Variants in ZFPM1 observed in about 807,000 individuals in gnomAD.
ZFPM1 encodes the protein zinc finger protein ZFPM1.
A neutral mutation model predicts 46.3 loss-of-function variants in ZFPM1; 28 were observed. The ratio of observed to expected loss-of-function variants is 0.60; its 90% CI spans 0.45 to 0.83. The LOEUF (loss-of-function observed/expected upper bound fraction) is 0.83, where lower values mean the gene tolerates loss of function less well. ZFPM1 is among the 40% of genes least tolerant of loss of function. ZFPM1 has a pLI of 0.00. For synonymous variants in ZFPM1, 957 were observed against 675.9 expected, an observed-to-expected ratio of 1.42 and a Z score of -6.45; for missense variants, 1,878 against 1,432.4, an observed-to-expected ratio of 1.31 and a Z score of -5.02.
intron 5 of ZFPM1, 41 bp from the exon 6 acceptor site, chr16:88,527,991 G>A: frequency 2.0e-6 from 3 of 1,492,874 alleles, no homozygotes; most frequent in Non-Finnish European, 1.8e-6. Flanking sequence ...ACAGGGAAGT[G>A]GGGCACAAAG....
intron 6 of ZFPM1, among the ~76,000 whole-genome samples, chr16:88,529,503 CTT>C (rs1020418757): frequency 6.6e-6 from 1 of 152,214 alleles, no homozygotes; most frequent in Non-Finnish European, 1.5e-5. Flanking sequence ...GACCCCCACT[CTT>C]TGAGTGTCCT....
At chr16:88,477,144 A>G (rs1344938097) in intron 1 of ZFPM1, among the ~76,000 whole-genome samples, 1 of 152,200 alleles carries the variant, frequency 6.6e-6, no homozygotes, top group Non-Finnish European at 1.5e-5. Flanking sequence ...CATAGAGGGA[A>G]CCACAGGAGA....
intron 6 of ZFPM1, among the ~76,000 whole-genome samples, chr16:88,529,639 G>A (rs1195734112): frequency 1.3e-5 from 2 of 152,220 alleles, no homozygotes; most frequent in South Asian, 2.1e-4. Context: ...CATCTCCCAA[G>A]GTACGGAGAG....
At chr16:88,496,815 A>G (rs892884943) in intron 3 of ZFPM1, among the ~76,000 whole-genome samples, 2 of 152,162 alleles carry the variant, frequency 1.3e-5, no homozygotes, top group Non-Finnish European at 2.9e-5. Context: ...CCTGGTATAC[A>G]GGGTCTCTCA....
At chr16:88,472,973 C>T (rs1400157477) in intron 1 of ZFPM1, among the ~76,000 whole-genome samples, 2 of 152,268 alleles carry the variant, frequency 1.3e-5, no homozygotes, top group African/African-American at 4.8e-5. Flanking sequence ...TTCCAGGACG[C>T]CGCAGCCCTG....
At chr16:88,489,961 G>A (rs1272628598) in intron 3 of ZFPM1, among the ~76,000 whole-genome samples, 1 of 152,178 alleles carries the variant, frequency 6.6e-6, no homozygotes, top group African/African-American at 2.4e-5. Context: ...GCAGAGGCGG[G>A]GTGGGGGTCG....
chr16:88,514,562 G>T (rs1911175333), intron 4 of ZFPM1, 42 bp downstream of exon 4: 1 of 1,345,460 alleles, frequency 7.4e-7, no homozygotes, highest in Non-Finnish European at 9.9e-7. Flanking sequence ...CCACCCCAAT[G>T]CAGGGCAACA....
At chr16:88,506,046 A>C (rs932781896) in intron 3 of ZFPM1, among the ~76,000 whole-genome samples, 13 of 152,154 alleles carry the variant, frequency 8.5e-5, no homozygotes, top group Non-Finnish European at 1.9e-4. Context: ...GAAAACCCTC[A>C]TCCAGGAGGC....
intron 1 of ZFPM1, among the ~76,000 whole-genome samples, chr16:88,465,170 C>A (rs986692801): frequency 1.3e-5 from 2 of 152,220 alleles, no homozygotes; most frequent in Admixed American, 1.3e-4. Context: ...TCTGCACAGA[C>A]CCCGTGTCCG....
Position 88,493,423 on chromosome 16 carries a change from G to GGAGCTGTCCCGGGGTACGGA in ZFPM1, c.268+4284_268+4303dup, listed in dbSNP as rs1379856270. Among the ~76,000 whole-genome samples, 257 of 113,142 alleles carry GGAGCTGTCCCGGGGTACGGA rather than the reference G, an allele frequency of 2.3e-3. 11 individuals are homozygous for GGAGCTGTCCCGGGGTACGGA. The highest frequency in any genetic ancestry group is 8.6e-3 in the African/African-American group (238 of 27,554). 74.2% of individuals were successfully genotyped at this position (113,142 alleles called of 152,430 possible). A position where few individuals can be genotyped will look rare whatever the true frequency, so the allele number is the denominator to read the frequency against. On this transcript the variant is annotated intron_variant, in intron 3 of 9. Transcript: ENST00000319555. The stretch of plus-strand genomic sequence containing the variant: ...TGCAGGAAGCTGTCCCGGGGTGCGG[G>GGAGCTGTCCCGGGGTACGGA]GAGCTGTCCCGGGGTACGGAGAGCT...
chr16:88,533,822 G>GCCCGCGCGCCCCCCGGCCAGC lies in ZFPM1; in HGVS notation c.1867_1887dup (p.Arg623_Pro629dup), dbSNP rs1913019520. On this transcript the variant is annotated inframe_insertion, in exon 10 of 10. Coordinates refer to ENST00000319555, the MANE Select transcript of ZFPM1 (RefSeq NM_153813.3). ...CAGGCCCAAGGCGCCCCCCGGCCCGGCCCGCGCGCCCCCCGGCCAGCCCGC... is the reference window on the plus strand; with the variant it reads ...CAGGCCCAAGGCGCCCCCCGGCCCGGCCCGCGCGCCCCCCGGCCAGCCCCGCGCGCCCCCCGGCCAGCCCGC... 33 of 1,007,818 alleles carry GCCCGCGCGCCCCCCGGCCAGC rather than the reference G, an allele frequency of 3.3e-5. No individual in the cohort carries two copies. The highest frequency in any genetic ancestry group is 3.9e-5 in the Non-Finnish European group (33 of 840,454). The allele number at this position is 1,007,818 out of a possible 1,614,324, so 62.4% of individuals were successfully genotyped here. A position where few individuals can be genotyped will look rare whatever the true frequency, so the allele number is the denominator to read the frequency against.
At chr16:88,468,996 G>C (rs1359410244) in intron 1 of ZFPM1, 1 of 154,212 alleles carries the variant, frequency 6.5e-6, no homozygotes. Context: ...CCAACCGTCA[G>C]AGCCCAGACC....
chr16:88,468,631 C>T (rs1219801946), intron 1 of ZFPM1, among the ~76,000 whole-genome samples: 1 of 152,134 alleles, frequency 6.6e-6, no homozygotes, highest in Non-Finnish European at 1.5e-5. Flanking sequence ...GCTTTCTGAC[C>T]CTAGACTTGG....
In ZFPM1 at chr16:88,497,471, G is replaced by T. The variant is rs1243159074; in HGVS notation, c.268+8318G>T. On this transcript the variant is annotated intron_variant, in intron 3 of 9. Coordinates refer to ENST00000319555, the MANE Select transcript of ZFPM1 (RefSeq NM_153813.3). The surrounding 1 kb of genome is among the most constrained non-coding windows in gnomAD (Gnocchi z 5.4). ...TGGGGTTCAGAGGGGTCAGGGTGGG[G>T]CTCAGGGCCCGGGCGGGGATGGGGT... Among the ~76,000 whole-genome samples the T allele has an allele frequency of 1.9e-5, 2 of 107,152 alleles. No homozygotes were observed. The highest frequency in any genetic ancestry group is 3.6e-5 in the African/African-American group (1 of 28,122). 70.3% of individuals were successfully genotyped at this position (107,152 alleles called of 152,430 possible).
intron 2 of ZFPM1, among the ~76,000 whole-genome samples, chr16:88,488,306 C>T (rs1339709147): frequency 2.0e-5 from 3 of 152,108 alleles, no homozygotes; most frequent in African/African-American, 7.2e-5. Context: ...GGGGGTGGGG[C>T]CCGGGAAGGA....
intron 1 of ZFPM1, among the ~76,000 whole-genome samples, chr16:88,457,991 T>G (rs973906133): frequency 6.6e-6 from 1 of 152,202 alleles, no homozygotes; most frequent in Non-Finnish European, 1.5e-5. Flanking sequence ...AGAATAATAT[T>G]CATAACAGCC....
chr16:88,456,720 C>A (rs1597223737), intron 1 of ZFPM1, among the ~76,000 whole-genome samples: 1 of 152,130 alleles, frequency 6.6e-6, no homozygotes, highest in Non-Finnish European at 1.5e-5. Flanking sequence ...CCAGCAGGTG[C>A]GAGTGAGGTC....
In ZFPM1 at chr16:88,514,380, T is replaced by C. The variant is rs781499241; in HGVS notation, c.269-7T>C. On this transcript the variant is annotated splice_region_variant and splice_polypyrimidine_tract_variant and intron_variant, in intron 3 of 9. Coordinates refer to ENST00000319555, the MANE Select transcript of ZFPM1 (RefSeq NM_153813.3). ...GCACGCCTCATGCCTGCGATGTCTC[T>C]CTGCAGACGAGCTGGAGCCGGTGGT... 1.2e-5 allele frequency: 19 copies of C among 1,563,864 alleles called. 1 individual carries two copies. The Admixed American group carries it at 3.2e-4, about 26-fold the overall frequency.
At chr16:88,456,073 C>G (rs1044459413) in intron 1 of ZFPM1, among the ~76,000 whole-genome samples, 1 of 152,214 alleles carries the variant, frequency 6.6e-6, no homozygotes, top group Non-Finnish European at 1.5e-5. Context: ...CTTGGAACGG[C>G]CCGGGTTGGG....
Sources: gnomAD v4.1 joint callset for allele counts (sites outside exome capture counted in the v4.1 genomes callset) on GRCh38, gnomAD v4.1.1 for gene constraint, Gnocchi (gnomAD v3.1) non-coding constraint, MANE v1.5 for transcripts, NCBI Gene and HGNC (gene_info 2026-07-23, HGNC 2026-07-21) for gene names.